Variants in ITK observed in about 807,000 individuals in gnomAD.
The protein encoded by ITK is IL2 inducible T cell kinase.
ITK carries 45 observed loss-of-function variants against 87.6 expected under a neutral mutation model. The observed-to-expected ratio is 0.51, with a 90% CI of 0.40 to 0.66. ITK has a LOEUF of 0.66. ITK is among the 30% of genes least tolerant of loss of function. The probability of loss-of-function intolerance (pLI) is 0.00; values close to 1 mark genes in which losing one functional copy is unlikely to be tolerated. For missense variants in ITK, 605 were observed against 766.3 expected (o/e 0.79, Z 2.48); for synonymous variants, 303 against 273.6 (o/e 1.11, Z -1.06).
At chr5:157,209,845 T>C (rs1342518240) in intron 2 of ITK, among the ~76,000 whole-genome samples, 1 of 152,218 alleles carries the variant, frequency 6.6e-6, no homozygotes, top group Non-Finnish European at 1.5e-5. Flanking sequence ...TGGGCACATT[T>C]CACATGTTCA....
At chr5:157,205,930 C>T (rs191930688) in intron 1 of ITK, among the ~76,000 whole-genome samples, 7 of 150,556 alleles carry the variant, frequency 4.6e-5, no homozygotes, top group East Asian at 1.9e-4. Flanking sequence ...GTTGAACCAA[C>T]CTTGCATTCC....
Position 157,228,368 on chromosome 5 carries a change from T to C in ITK, c.713+7T>C. ...ATAATCTGGAAACCTATGAGTAAGA[T>C]ATTTTATTTGTTTTTGGAAAATACA... On this transcript the variant is annotated splice_region_variant and intron_variant, in intron 7 of 16. Transcript: ENST00000422843. The C allele has an allele frequency of 6.5e-7, 1 of 1,548,278 alleles. No individual in the cohort carries two copies. Among genetic ancestry groups the C allele is most frequent in the South Asian group, 1.1e-5 (1 of 89,662 alleles).
At chr5:157,212,295 A>G (rs1170505355) in intron 3 of ITK, among the ~76,000 whole-genome samples, 1 of 152,204 alleles carries the variant, frequency 6.6e-6, no homozygotes, top group African/African-American at 2.4e-5. Context: ...CTGGGTTCAA[A>G]TACTAATCTG....
chr5:157,249,486 C>T (rs1037247332), intron 16 of ITK, among the ~76,000 whole-genome samples: 1 of 152,182 alleles, frequency 6.6e-6, no homozygotes, highest in Non-Finnish European at 1.5e-5. Context: ...GCTCATTTAC[C>T]CCAACCTTGG....
chr5:157,186,769 A>G (rs750554838), intron 1 of ITK, among the ~76,000 whole-genome samples: 21 of 152,064 alleles, frequency 1.4e-4, no homozygotes, highest in Non-Finnish European at 2.6e-4. Context: ...CCCACAGGAT[A>G]TCTCTCACCT....
At chr5:157,241,508 T>C (rs1021623845) in intron 10 of ITK, 138 bp from the exon 11 acceptor site, 2 of 701,032 alleles carry the variant, frequency 2.9e-6, no homozygotes, top group African/African-American at 3.5e-5. Context: ...TATCAATAAT[T>C]AGGCTTTGGG....
In ITK at chr5:157,216,754, C is replaced by T. The variant is rs898620884; in HGVS notation, c.455-1113C>T. Among the ~76,000 whole-genome samples the T allele has an allele frequency of 2.6e-5, 4 of 152,256 alleles. No homozygotes were observed. The East Asian group carries it at 7.7e-4, about 29-fold the overall frequency. ...ATTGGTGAAGCCAGAGTTAGAACAC[C>T]AGTCTCCCAGCTCCAAGTTGAGTTC... is the stretch of plus-strand genomic sequence containing the variant. On this transcript the variant is annotated intron_variant, in intron 4 of 16. Transcript: ENST00000422843.
intron 1 of ITK, among the ~76,000 whole-genome samples, chr5:157,208,224 C>T (rs1377662434): frequency 2.6e-5 from 4 of 152,162 alleles, no homozygotes; most frequent in Non-Finnish European, 5.9e-5. Flanking sequence ...AAATAGGTAA[C>T]ATGTAACATC....
At chr5:157,244,537 A>G in intron 13 of ITK, 59 bp downstream of exon 13, 2 of 929,420 alleles carry the variant, frequency 2.2e-6, no homozygotes, top group South Asian at 2.6e-5. Context: ...TTCTCACTGA[A>G]ATGACTGGGA....
At chr5:157,221,033 A>G (rs955810568) in intron 5 of ITK, among the ~76,000 whole-genome samples, 1 of 152,200 alleles carries the variant, frequency 6.6e-6, no homozygotes, top group Non-Finnish European at 1.5e-5. Flanking sequence ...TAACTTTTGT[A>G]TTAAACATAC....
At chr5:157,245,812 G>A (rs573598171) in intron 14 of ITK, 22 bp downstream of exon 14, 91 of 1,613,000 alleles carry the variant, frequency 5.6e-5, no homozygotes, top group African/African-American at 2.7e-5. Context: ...ATGTGGTGCC[G>A]GTGAAGTCTC....
At chr5:157,185,066 A>AT (rs2113735038) in intron 1 of ITK, among the ~76,000 whole-genome samples, 1 of 152,214 alleles carries the variant, frequency 6.6e-6, no homozygotes, top group East Asian at 1.9e-4. Context: ...TCCTTTCTAA[A>AT]TTAAAGATGG....
chr5:157,206,635 A>T (rs1287539204), intron 1 of ITK, among the ~76,000 whole-genome samples: 1 of 152,134 alleles, frequency 6.6e-6, no homozygotes, highest in Non-Finnish European at 1.5e-5. Context: ...GTTGTCCAGG[A>T]ATGGATTCAT....
At chr5:157,187,663 A>G (rs1053217235) in intron 1 of ITK, among the ~76,000 whole-genome samples, 1 of 152,214 alleles carries the variant, frequency 6.6e-6, no homozygotes, top group Non-Finnish European at 1.5e-5. Context: ...AGAAAGGCAC[A>G]TGTAGGAACT....
intron 5 of ITK, among the ~76,000 whole-genome samples, chr5:157,220,495 G>C (rs1754392581): frequency 6.6e-6 from 1 of 152,224 alleles, no homozygotes; most frequent in Non-Finnish European, 1.5e-5. Context: ...CTGCTACCTG[G>C]GCTCTCTGTG....
At chr5:157,181,769 C>A (rs1298225977) in intron 1 of ITK, among the ~76,000 whole-genome samples, 1 of 152,238 alleles carries the variant, frequency 6.6e-6, no homozygotes, top group Non-Finnish European at 1.5e-5. Context: ...TTCTGCAGTG[C>A]AGACCAGCGG....
intron 6 of ITK, chr5:157,224,514 G>C (rs1328543310): frequency 3.9e-5 from 6 of 152,150 alleles, no homozygotes; most frequent in Admixed American, 2.0e-4. Context: ...AGTGGCTCAG[G>C]CCTGTAATCC....
chr5:157,250,966 C>G (rs1226165140), intron 16 of ITK, among the ~76,000 whole-genome samples: 1 of 152,174 alleles, frequency 6.6e-6, no homozygotes, highest in Non-Finnish European at 1.5e-5. Context: ...CAGTTTTAAA[C>G]AATTATGAAT....
At chr5:157,199,558 T>A (rs1387450012) in intron 1 of ITK, 3 of 152,186 alleles carry the variant, frequency 2.0e-5, no homozygotes, top group African/African-American at 7.2e-5. Context: ...AGCACTGAGT[T>A]CAGGGAATGA....
Sources: allele counts gnomAD v4.1 joint callset (sites outside exome capture counted in the v4.1 genomes callset), GRCh38; gene constraint gnomAD v4.1.1; transcripts MANE v1.5; gene names NCBI Gene and HGNC (gene_info 2026-07-23, HGNC 2026-07-21).